Variants in IPMK observed in about 807,000 individuals in gnomAD.
IPMK encodes the protein inositol polyphosphate multikinase.
In IPMK, 17 loss-of-function variants were observed where a neutral mutation model predicts 45.8. The ratio of observed to expected loss-of-function variants is 0.37; its 90% CI spans 0.25 to 0.56. IPMK has a LOEUF of 0.56. IPMK is among the 20% of genes least tolerant of loss of function. IPMK has a pLI of 0.79. For missense variants in IPMK, 399 were observed against 498.0 expected (o/e 0.80, Z 1.89); for synonymous variants, 180 against 184.3 (o/e 0.98, Z 0.19).
chr10:58,243,651 G>A (rs1205595930), intron 1 of IPMK, among the ~76,000 whole-genome samples: 2 of 152,230 alleles, frequency 1.3e-5, no homozygotes, highest in Non-Finnish European at 2.9e-5. Context: ...ATTGCAGACG[G>A]AGTCTCGCTC....
intron 1 of IPMK, among the ~76,000 whole-genome samples, chr10:58,242,469 AAAAAAAG>A (rs1019534242): frequency 2.7e-5 from 4 of 149,484 alleles, no homozygotes; most frequent in African/African-American, 7.5e-5. Flanking sequence ...CAAAAAAAAA[AAAAAAAG>A]AAAAGAAAAC....
At chr10:58,210,852 T>C (rs1838147978) in intron 4 of IPMK, among the ~76,000 whole-genome samples, 1 of 152,168 alleles carries the variant, frequency 6.6e-6, no homozygotes, top group Non-Finnish European at 1.5e-5. Flanking sequence ...ATCTGTGAAT[T>C]CGTTTGGTTT....
At chr10:58,221,376 T>A (rs914712813) in intron 3 of IPMK, among the ~76,000 whole-genome samples, 2 of 145,512 alleles carry the variant, frequency 1.4e-5, no homozygotes, top group South Asian at 2.2e-4. Flanking sequence ...TTTTTTTTTT[T>A]AAATTCTGAA....
chr10:58,197,494 C>CA (rs1227040289), intron 5 of IPMK, among the ~76,000 whole-genome samples: 2 of 150,610 alleles, frequency 1.3e-5, no homozygotes, highest in African/African-American at 4.9e-5. Flanking sequence ...ACTAAAAACA[C>CA]AAAAAATTAG....
chr10:58,220,049 C>T (rs1289050983), intron 3 of IPMK, among the ~76,000 whole-genome samples: 1 of 152,150 alleles, frequency 6.6e-6, no homozygotes, highest in Non-Finnish European at 1.5e-5. Flanking sequence ...AGCCCATGGC[C>T]CACAGTCACT....
At chr10:58,214,183 T>C (rs1176251398) in intron 4 of IPMK, among the ~76,000 whole-genome samples, 1 of 152,150 alleles carries the variant, frequency 6.6e-6, no homozygotes, top group Non-Finnish European at 1.5e-5. Flanking sequence ...TATAAGGTTC[T>C]TGAAGAGATA....
intron 2 of IPMK, among the ~76,000 whole-genome samples, chr10:58,234,382 AC>A (rs1838576083): frequency 6.6e-6 from 1 of 152,158 alleles, no homozygotes; most frequent in Admixed American, 6.5e-5. Context: ...AAAGAAAAAA[AC>A]TGGGGCCATT....
intron 3 of IPMK, 125 bp from the exon 4 acceptor site, chr10:58,216,442 ATAAT>A: frequency 2.2e-6 from 1 of 460,606 alleles, no homozygotes; most frequent in South Asian, 5.5e-5. Context: ...TGTAAAGTCA[ATAAT>A]TATTCTTAAC....
Position 58,199,209 on chromosome 10 carries a change from A to G in IPMK, c.628+31T>C, listed in dbSNP as rs374905052. On this transcript the variant is annotated intron_variant, in intron 5 of 5. Transcript: ENST00000373935. ...ACTTTAGAAGTCTTTTAACTGTTCA[A>G]TCATAAAAGCATTAGTTTTTTAGTC... 1.2e-5 allele frequency: 17 copies of G among 1,370,568 alleles called. 1 individual carries two copies. The highest frequency in any genetic ancestry group is 1.7e-5 in the Non-Finnish European group (17 of 974,810). The allele number at this position is 1,370,568 out of a possible 1,614,324, so 84.9% of individuals were successfully genotyped here.
intron 2 of IPMK, among the ~76,000 whole-genome samples, chr10:58,233,201 T>C (rs796270381): frequency 3.3e-4 from 50 of 152,184 alleles, no homozygotes; most frequent in African/African-American, 1.1e-3. Flanking sequence ...CCAAAAAAAG[T>C]CCAGGACCAG....
At position 58,216,218 on chromosome 10, in the gene IPMK, G is replaced by T. The variant is rs147959039; in HGVS notation, c.473C>A (p.Ser158Tyr). ...GCTGACCTGTTGCTGAATCTTCTCA[G>T]ATGAGGCAAAAGGATCATAGCTTTT... ...GQKSYDPFAS[S>Y]EKIQQQVSKY... Residue 158 changes from serine (S) to tyrosine (Y), a missense_variant, in exon 4 of 6, where the codon TCT becomes TAT. Coordinates refer to ENST00000373935, the MANE Select transcript of IPMK (RefSeq NM_152230.5). The T allele has an allele frequency of 3.7e-6, 6 of 1,612,132 alleles. No individual in the cohort carries two copies. In the African/African-American group the frequency reaches 8.0e-5, roughly 22 times the overall value.
intron 4 of IPMK, among the ~76,000 whole-genome samples, chr10:58,200,588 T>C (rs1338693489): frequency 6.6e-6 from 1 of 152,232 alleles, no homozygotes; most frequent in Non-Finnish European, 1.5e-5. Context: ...GAGAATTTAG[T>C]ATATGATAAT....
chr10:58,204,752 G>A (rs987770046), intron 4 of IPMK, among the ~76,000 whole-genome samples: 7 of 152,060 alleles, frequency 4.6e-5, no homozygotes, highest in South Asian at 2.1e-4. Context: ...ACACGATCAC[G>A]CTACTGCACT....
intron 5 of IPMK, among the ~76,000 whole-genome samples, chr10:58,197,626 C>T (rs950695888): frequency 3.9e-4 from 53 of 137,058 alleles, no homozygotes; most frequent in African/African-American, 1.2e-3. Flanking sequence ...CTCCAGCCTG[C>T]GCAACAGAAC....
chr10:58,264,979 C>T (rs566858043), intron 1 of IPMK, among the ~76,000 whole-genome samples: 1 of 152,076 alleles, frequency 6.6e-6, no homozygotes, highest in Admixed American at 6.5e-5. Context: ...GGGAAGGGCA[C>T]TACTTAAACT....
At chr10:58,199,517 A>T (rs2132142523) in intron 4 of IPMK, among the ~76,000 whole-genome samples, 196 bp from the exon 5 acceptor site, 1 of 152,356 alleles carries the variant, frequency 6.6e-6, no homozygotes, top group Admixed American at 6.5e-5. Context: ...ACTACTGATG[A>T]AAACTCTCTG....
intron 2 of IPMK, among the ~76,000 whole-genome samples, 171 bp from the exon 3 acceptor site, chr10:58,227,310 G>GC (rs1554823744): frequency 1.3e-5 from 2 of 151,942 alleles, no homozygotes; most frequent in African/African-American, 4.8e-5. Context: ...GAGTAACTAT[G>GC]TATTTAGAGT....
intron 1 of IPMK, among the ~76,000 whole-genome samples, chr10:58,257,392 G>A (rs1838987029): frequency 6.6e-6 from 1 of 152,168 alleles, no homozygotes; most frequent in South Asian, 2.1e-4. Flanking sequence ...CCACTCGGGA[G>A]GCTGAGGTAT....
intron 1 of IPMK, among the ~76,000 whole-genome samples, chr10:58,265,072 T>G (rs7088198): frequency 0.095 from 14,419 of 152,238 alleles, 1,040 homozygotes; most frequent in African/African-American, 0.2. Context: ...AGAACTAAGA[T>G]TTAAATGTAT....
Sources: gnomAD v4.1 joint callset for allele counts (sites outside exome capture counted in the v4.1 genomes callset) on GRCh38, gnomAD v4.1.1 for gene constraint, MANE v1.5 for transcripts, NCBI Gene and HGNC (gene_info 2026-07-23, HGNC 2026-07-21) for gene names.